The following CTSS variants were observed in gnomAD, a reference collection of about 807,000 sequenced individuals.
The protein encoded by CTSS is cathepsin S.
A neutral mutation model predicts 39.9 loss-of-function variants in CTSS; 15 were observed. The observed-to-expected ratio is 0.38, with a 90% CI of 0.25 to 0.58. The LOEUF (loss-of-function observed/expected upper bound fraction) is 0.58. Ranked by LOEUF, CTSS falls within the 20% of genes least tolerant of loss-of-function variation. The pLI, the probability that CTSS is intolerant of heterozygous loss-of-function variation, is 0.70. For synonymous variants in CTSS, 126 were observed against 138.2 expected, an observed-to-expected ratio of 0.91 and a Z score of 0.62; for missense variants, 250 against 398.2, an observed-to-expected ratio of 0.63 and a Z score of 3.17.
chr1:150,765,102 A>C (rs1285817597), intron 1 of CTSS, among the ~76,000 whole-genome samples: 113 of 107,772 alleles, frequency 1.0e-3, no homozygotes, highest in Middle Eastern at 4.8e-3. Context: ...TCTCTCTCTC[A>C]AAAAAAAAAA....
At chr1:150,752,737 T>C (rs1653031997) in intron 4 of CTSS, among the ~76,000 whole-genome samples, 2 of 152,208 alleles carry the variant, frequency 1.3e-5, no homozygotes, top group Admixed American at 1.3e-4. Context: ...AATATGTGGT[T>C]TATTGGGTCT....
At chr1:150,753,464 G>C (rs1653049847) in intron 4 of CTSS, among the ~76,000 whole-genome samples, 1 of 152,164 alleles carries the variant, frequency 6.6e-6, no homozygotes, top group African/African-American at 2.4e-5. Flanking sequence ...CTTCAACTTT[G>C]AAACTCACAA....
At chr1:150,754,363 C>T (rs1345519799) in intron 4 of CTSS, among the ~76,000 whole-genome samples, 1 of 151,856 alleles carries the variant, frequency 6.6e-6, no homozygotes, top group African/African-American at 2.4e-5. Context: ...ATCTGCCTCC[C>T]TTGACCTGGA....
At chr1:150,733,894 G>A (rs1446941677) in intron 7 of CTSS, among the ~76,000 whole-genome samples, 4 of 152,170 alleles carry the variant, frequency 2.6e-5, no homozygotes, top group Admixed American at 2.6e-4. Context: ...AGATGTTGCA[G>A]AGAAAAATCA....
In CTSS at chr1:150,731,144, T is replaced by C. The variant is rs1373084183; in HGVS notation, c.*1902A>G. The C allele has an allele frequency of 2.0e-5, 3 of 152,186 alleles. No homozygotes were observed. The highest frequency in any genetic ancestry group is 4.4e-5 in the Non-Finnish European group (3 of 68,036). The allele number at this position is 152,186 out of a possible 1,614,324, so 9.4% of individuals were successfully genotyped here. On this transcript the variant is annotated 3_prime_UTR_variant, in exon 8 of 8. Transcript: ENST00000368985. ...GGCTCACGCCTGTAATCTTAGCACT[T>C]TGGGAGGCTGGGGTGGGTGGATCAC...
At chr1:150,756,356 A>G (rs1422844162) in intron 3 of CTSS, among the ~76,000 whole-genome samples, 1 of 152,262 alleles carries the variant, frequency 6.6e-6, no homozygotes, top group Non-Finnish European at 1.5e-5. Context: ...AAGTAGGAGT[A>G]CACTCTAAAA....
rs772315817 is a variant in CTSS, at chr1:150,738,652, T to TA, written c.897-5508dup. 1.5e-3 allele frequency among the ~76,000 whole-genome samples: 222 copies of TA among 145,826 alleles called. 3 individuals carry two copies. In the East Asian group the frequency reaches 0.025, roughly 17 times the overall value. On this transcript the variant is annotated intron_variant, in intron 7 of 7. Coordinates refer to ENST00000368985, the MANE Select transcript of CTSS (RefSeq NM_004079.5). ...ATATGCACCAGCATGCCAGGGTAAT[T>TA]AAAAAAAAAAACTATCTGTAGAGAC...
chr1:150,762,983 T>C (rs867528789), intron 2 of CTSS, among the ~76,000 whole-genome samples: 1 of 152,258 alleles, frequency 6.6e-6, no homozygotes, highest in East Asian at 1.9e-4. Context: ...ATGTTCATTG[T>C]AGCATTATTC....
In CTSS at chr1:150,757,885, A is replaced by G; in HGVS notation, c.222T>C (p.Asp74=). The change falls in exon 3 of 8, where the codon GAT becomes GAC. Residue 74 remains aspartate (D), a synonymous_variant. Transcript: ENST00000368985. ...TGTCTCCCAGGTGGTTCATGCCCAG[A>G]TCGTATGAGTGCATTCCCATTGAAT... ...LEHSMGMHSY[D]LGMNHLGDMT... 6.2e-7 allele frequency: 1 copy of G among 1,613,944 alleles called. No individual in the cohort carries two copies.
chr1:150,754,429 C>CT (rs1287730349), intron 4 of CTSS, among the ~76,000 whole-genome samples: 3 of 133,146 alleles, frequency 2.3e-5, no homozygotes, highest in African/African-American at 8.0e-5. Flanking sequence ...TTATACTTTA[C>CT]CTTTTTTTTT....
At chr1:150,750,464 G>T (rs1447015021) in intron 5 of CTSS, among the ~76,000 whole-genome samples, 1 of 152,090 alleles carries the variant, frequency 6.6e-6, no homozygotes, top group Non-Finnish European at 1.5e-5. Flanking sequence ...ATTACATAGA[G>T]ATAATAAACT....
intron 6 of CTSS, among the ~76,000 whole-genome samples, chr1:150,748,801 T>A (rs1158318422): frequency 6.6e-6 from 1 of 152,226 alleles, no homozygotes; most frequent in Non-Finnish European, 1.5e-5. Flanking sequence ...ATTCAGCAAG[T>A]CTATTGGTAC....
At chr1:150,756,636 C>T (rs920932072) in intron 3 of CTSS, among the ~76,000 whole-genome samples, 2 of 151,894 alleles carry the variant, frequency 1.3e-5, no homozygotes, top group Non-Finnish European at 2.9e-5. Context: ...TGTGGTCCAT[C>T]AGTGGCCAAA....
Position 150,751,712 on chromosome 1 carries a change from G to A in CTSS, c.627+69C>T, listed in dbSNP as rs950654364. 113 of 1,411,714 alleles carry A rather than the reference G, an allele frequency of 8.0e-5. 1 individual carries two copies. The highest frequency in any genetic ancestry group is 1.0e-4 in the Non-Finnish European group (101 of 1,002,954). The allele number at this position is 1,411,714 out of a possible 1,614,324, so 87.4% of individuals were successfully genotyped here. A position where few individuals can be genotyped will look rare whatever the true frequency, so the allele number is the denominator to read the frequency against. ...TCTCAAGCAATTGGCATGGTGGCAA[G>A]CCCAGCACAGTCAGTCAGTGGATAA... is the stretch of plus-strand genomic sequence containing the variant. On this transcript the variant is annotated intron_variant, in intron 5 of 7. Coordinates refer to ENST00000368985, the MANE Select transcript of CTSS (RefSeq NM_004079.5).
At chr1:150,742,593 T>C (rs1652790300) in intron 7 of CTSS, among the ~76,000 whole-genome samples, 1 of 152,148 alleles carries the variant, frequency 6.6e-6, no homozygotes, top group South Asian at 2.1e-4. Flanking sequence ...TCAGAATTTT[T>C]GAGCAGGAGT....
rs746901670 is a variant in CTSS, at chr1:150,751,921, T to C, written c.487A>G (p.Ser163Gly). The change falls in exon 5 of 8, where the codon AGT becomes GGT. Residue 163 changes from serine (S) to glycine (G), a missense_variant. Transcript: ENST00000368985. ...GAGCAATCCACCAGGTTCTGGGCAC[T>C]GAGAGACACCAGCTTTCCTGTTTTC... The part of the protein sequence containing the change: ...KLKTGKLVSL[S>G]AQNLVDCSTE... 2.5e-6 allele frequency: 4 copies of C among 1,614,220 alleles called. No individual in the cohort carries two copies. The highest frequency in any genetic ancestry group is 1.1e-5 in the South Asian group (1 of 91,084).
intron 5 of CTSS, 38 bp from the exon 6 acceptor site, chr1:150,750,209 AAC>A: frequency 2.0e-6 from 3 of 1,515,150 alleles, no homozygotes; most frequent in Non-Finnish European, 2.7e-6. Context: ...AGTATACTTC[AAC>A]TCCTGTATAA....
chr1:150,744,584 ATAT>A (rs1415698762), intron 7 of CTSS, among the ~76,000 whole-genome samples: 1 of 124,404 alleles, frequency 8.0e-6, no homozygotes, highest in Admixed American at 9.8e-5. Context: ...AATATATTAT[ATAT>A]TATATATGTA....
At chr1:150,755,883 T>A (rs1418629855) in intron 3 of CTSS, among the ~76,000 whole-genome samples, 1 of 152,172 alleles carries the variant, frequency 6.6e-6, no homozygotes, top group Non-Finnish European at 1.5e-5. Context: ...ATAAACACGG[T>A]GCACTTTGGC....
Sources: allele counts gnomAD v4.1 joint callset (sites outside exome capture counted in the v4.1 genomes callset), GRCh38; gene constraint gnomAD v4.1.1; transcripts MANE v1.5; gene names NCBI Gene and HGNC (gene_info 2026-07-23, HGNC 2026-07-21).